The following SPRY3 variants were observed in gnomAD, a reference collection of about 807,000 sequenced individuals.
SPRY3 encodes the protein protein sprouty homolog 3.
In SPRY3, 15 loss-of-function variants were observed where a neutral mutation model predicts 20.2. The observed-to-expected ratio is 0.74, with a 90% CI of 0.50 to 1.14. The LOEUF is 1.14. SPRY3 is among the 50% of genes most tolerant of loss of function. The pLI, the probability that SPRY3 is intolerant of heterozygous loss-of-function variation, is 0.00. For missense variants in SPRY3, 364 were observed against 363.9 expected (o/e 1.00, Z 0.00); for synonymous variants, 143 against 136.5 (o/e 1.05, Z -0.33).
rs755725189 is a variant in SPRY3 at position 155,750,780 on chromosome X, C to T, written c.-281-17182C>T. On this transcript the variant is annotated intron_variant, in intron 2 of 3. Transcript: ENST00000675360. ...CTGGTGGGTTATAAAAATGTCACAG[C>T]ATTGCCAAGCAGCTCGAAAAGTCCA... Among the ~76,000 whole-genome samples, 6 of 151,884 alleles carry T rather than the reference C, an allele frequency of 4.0e-5. No individual in the cohort carries two copies. In the South Asian group the frequency reaches 1.2e-3, roughly 32 times the overall value.
intron 1 of SPRY3, among the ~76,000 whole-genome samples, chrX:155,627,837 T>A (rs1484690556): frequency 9.3e-6 from 1 of 108,054 alleles, no homozygotes; most frequent in East Asian, 2.9e-4. Context: ...AGGCCCGTTA[T>A]GTATTGTTCC....
chrX:155,757,796 A>C (rs931079486), intron 2 of SPRY3, among the ~76,000 whole-genome samples: 1 of 152,172 alleles, frequency 6.6e-6, no homozygotes, highest in Non-Finnish European at 1.5e-5. Context: ...ATCACACTCT[A>C]AAAAGAAACA....
chrX:155,753,224 A>C (rs2091271104), intron 2 of SPRY3, among the ~76,000 whole-genome samples: 2 of 151,948 alleles, frequency 1.3e-5, no homozygotes, highest in Non-Finnish European at 2.9e-5. Flanking sequence ...ACCCAAAAAG[A>C]AACCCTGTAC....
intron 3 of SPRY3, among the ~76,000 whole-genome samples, chrX:155,771,207 A>G (rs1275065466): frequency 6.6e-6 from 1 of 152,056 alleles, no homozygotes; most frequent in Non-Finnish European, 1.5e-5. Context: ...CAGCTTTTCA[A>G]CCTAAACACC....
At chrX:155,645,311 G>A (rs1464910788) in intron 1 of SPRY3, among the ~76,000 whole-genome samples, 2 of 112,153 alleles carry the variant, frequency 1.8e-5, no homozygotes, top group Non-Finnish European at 3.8e-5. Flanking sequence ...TTTAGCTGCC[G>A]CAGCTGGTAT....
chrX:155,655,975 C>T (rs1557352972), intron 1 of SPRY3, among the ~76,000 whole-genome samples: 1 of 112,329 alleles, frequency 8.9e-6, no homozygotes. Context: ...GAGACATTCA[C>T]TGATGGGCTT....
chrX:155,777,252 C>T (rs1246488642), downstream of SPRY3: 2 of 166,910 alleles, frequency 1.2e-5, no homozygotes, highest in African/African-American at 4.8e-5. Flanking sequence ...TGCATTGTTC[C>T]TGGAGCTAAA....
At chrX:155,733,236 G>A (rs1209897510) in intron 2 of SPRY3, among the ~76,000 whole-genome samples, 1 of 151,232 alleles carries the variant, frequency 6.6e-6, no homozygotes, top group African/African-American at 2.4e-5. Context: ...ATTACACATT[G>A]TATGCCTGTA....
chrX:155,624,483 A>G (rs1290198300), intron 1 of SPRY3, among the ~76,000 whole-genome samples: 1 of 110,041 alleles, frequency 9.1e-6, no homozygotes, highest in Non-Finnish European at 1.9e-5. Flanking sequence ...GTATCTATAT[A>G]ATCTATATTT....
At chrX:155,750,278 C>T (rs1242536281) in intron 2 of SPRY3, among the ~76,000 whole-genome samples, 2 of 151,498 alleles carry the variant, frequency 1.3e-5, no homozygotes, top group East Asian at 1.9e-4. Flanking sequence ...GAGACTAGTG[C>T]GGGGGGAAGG....
At chrX:155,672,897 G>A (rs2068046461) in intron 2 of SPRY3, among the ~76,000 whole-genome samples, 1 of 105,973 alleles carries the variant, frequency 9.4e-6, no homozygotes, top group African/African-American at 3.5e-5. Context: ...AAAAAATGAT[G>A]AGTTCATGTC....
intron 1 of SPRY3, among the ~76,000 whole-genome samples, chrX:155,655,717 C>G (rs782435700): frequency 9.9e-5 from 11 of 111,049 alleles, no homozygotes; most frequent in Non-Finnish European, 1.9e-4. Context: ...ATACCACTAC[C>G]GTGCTGTTTT....
At chrX:155,779,535 T>G (rs1158632286), downstream of SPRY3, 4 of 166,996 alleles carry the variant, frequency 2.4e-5, no homozygotes, top group Non-Finnish European at 5.9e-5. Flanking sequence ...TCAAAATATC[T>G]TTCTTCTTAA....
Position 155,691,067 on chromosome X carries a change from A to G in SPRY3, c.-282+34042A>G, listed in dbSNP as rs1255348624. 3.5e-5 allele frequency among the ~76,000 whole-genome samples: 3 copies of G among 86,570 alleles called. 1 individual carries two copies. Among genetic ancestry groups the G allele is most frequent in the Non-Finnish European group, 6.4e-5 (3 of 46,548 alleles). The allele number at this position is 86,570 out of a possible 115,157, so 75.2% of individuals were successfully genotyped here. ...TCTAAGGAGTATTGCCTTCCTACAA[A>G]TTTGAAAATATTTTTCCTATGTTTT... On this transcript the variant is annotated intron_variant, in intron 2 of 3. Coordinates refer to ENST00000675360, the Ensembl canonical transcript of SPRY3.
At chrX:155,730,899 T>G (rs1276734093) in intron 2 of SPRY3, among the ~76,000 whole-genome samples, 2 of 151,778 alleles carry the variant, frequency 1.3e-5, no homozygotes, top group Non-Finnish European at 2.9e-5. Context: ...ATCAAGAGAG[T>G]AATCCCATTT....
At chrX:155,669,918 A>G (rs2068035163) in intron 2 of SPRY3, 1 of 111,269 alleles carries the variant, frequency 9.0e-6, no homozygotes, top group African/African-American at 3.3e-5. Context: ...ATAGTGAAAT[A>G]GGCATTCCTT....
chrX:155,742,666 T>C (rs2091209151), intron 2 of SPRY3, among the ~76,000 whole-genome samples: 1 of 152,094 alleles, frequency 6.6e-6, no homozygotes, highest in South Asian at 2.1e-4. Flanking sequence ...AAATTGGACC[T>C]CAAGATTAAG....
chrX:155,753,719 T>C (rs1016465437), intron 2 of SPRY3, among the ~76,000 whole-genome samples: 2 of 151,986 alleles, frequency 1.3e-5, no homozygotes, highest in South Asian at 2.1e-4. Flanking sequence ...CAGCAGTGTA[T>C]GAGGCTTCCA....
At chrX:155,711,297 A>G (rs1282297059) in intron 2 of SPRY3, among the ~76,000 whole-genome samples, 1 of 151,524 alleles carries the variant, frequency 6.6e-6, no homozygotes, top group Non-Finnish European at 1.5e-5. Flanking sequence ...ACTTTTCTTT[A>G]CTGGGAGACT....
Sources: gnomAD v4.1 joint callset for allele counts (sites outside exome capture counted in the v4.1 genomes callset) on GRCh38, gnomAD v4.1.1 for gene constraint, MANE v1.5 for transcripts, NCBI Gene and HGNC (gene_info 2026-07-23, HGNC 2026-07-21) for gene names.